MTMR3: variants seen among roughly 807,000 people sequenced by gnomAD.
MTMR3 encodes phosphatidylinositol-3,5-bisphosphate 3-phosphatase MTMR3.
Under a neutral mutation model 132.4 loss-of-function variants are expected in MTMR3, and 32 were observed. That is an observed-to-expected ratio of 0.24 (90% confidence interval 0.18 to 0.32). The LOEUF (loss-of-function observed/expected upper bound fraction) is 0.32, where lower values mean the gene tolerates loss of function less well. MTMR3 is among the 10% of genes least tolerant of loss of function. The pLI, the probability that MTMR3 is intolerant of heterozygous loss-of-function variation, is 1.00. For synonymous variants in MTMR3, 556 were observed against 550.3 expected (o/e 1.01, Z -0.14); for missense variants, 1,216 against 1,489.6 (o/e 0.82, Z 3.02).
intron 1 of MTMR3, among the ~76,000 whole-genome samples, chr22:29,943,545 T>C (rs2065898148): frequency 6.6e-6 from 1 of 152,132 alleles, no homozygotes; most frequent in Admixed American, 6.6e-5. Context: ...TATAAGTTTA[T>C]AAGTTCATAG....
At chr22:30,023,742 T>A (rs577205218) in intron 19 of MTMR3, 2 of 499,334 alleles carry the variant, frequency 4.0e-6, no homozygotes, top group African/African-American at 3.9e-5. Context: ...AAGTAGTGCT[T>A]CTTGTCTTCT....
intron 1 of MTMR3, among the ~76,000 whole-genome samples, chr22:29,949,125 ACACACACACACACACACACCCCCC>A (rs2066009614): frequency 6.7e-5 from 2 of 29,724 alleles, no homozygotes; most frequent in African/African-American, 2.0e-4. Flanking sequence ...ACACACACAC[ACACACACACACACACACACCCCCC>A]CCCCCCCCCC....
intron 8 of MTMR3, chr22:30,001,763 A>G (rs1280658166): frequency 6.6e-6 from 1 of 152,170 alleles, no homozygotes; most frequent in Non-Finnish European, 1.5e-5. Context: ...CTCCCAGCTT[A>G]TTTTTAGGAG....
chr22:29,953,071 AT>A (rs141496366), intron 1 of MTMR3, among the ~76,000 whole-genome samples: 2,828 of 152,302 alleles, frequency 0.019, 82 homozygotes, highest in African/African-American at 0.064. Context: ...TATTAAATGC[AT>A]GTGTAAAAAA....
In MTMR3 at chr22:30,028,813, CAAG is replaced by C. The variant is rs1050386510; in HGVS notation, c.*3015_*3017del. The C allele has an allele frequency of 6.6e-6, 1 of 152,374 alleles. No homozygotes were observed. The highest frequency in any genetic ancestry group is 1.5e-5 in the Non-Finnish European group (1 of 68,056). 9.4% of individuals were successfully genotyped at this position (152,374 alleles called of 1,614,324 possible). ...GTGCCACCCAGCAGGCGTTTGAAAA[CAAG>C]AAATCATTCTTCTGTGGAAGGAGAA... On this transcript the variant is annotated 3_prime_UTR_variant, in exon 20 of 20. Coordinates refer to ENST00000401950, the MANE Select transcript of MTMR3 (RefSeq NM_021090.4).
At chr22:29,906,286 GTCTATCTA>G (rs369642536) in intron 1 of MTMR3, among the ~76,000 whole-genome samples, 23 of 74,532 alleles carry the variant, frequency 3.1e-4, no homozygotes, top group African/African-American at 5.2e-4. Context: ...CTGTCTGTCT[GTCTATCTA>G]TCTATCTATC....
chr22:29,967,268 G>T, intron 2 of MTMR3, among the ~76,000 whole-genome samples: 1 of 149,484 alleles, frequency 6.7e-6, no homozygotes, highest in African/African-American at 2.5e-5. Flanking sequence ...TTAGAGACAA[G>T]GTCTTGCTCT....
chr22:29,889,737 C>G (rs1042531223), intron 1 of MTMR3, among the ~76,000 whole-genome samples: 1 of 151,914 alleles, frequency 6.6e-6, no homozygotes, highest in African/African-American at 2.4e-5. Context: ...TTGATATTCC[C>G]TTAATGAGCA....
At chr22:29,994,097 C>G in intron 7 of MTMR3, 1 of 985,268 alleles carries the variant, frequency 1.0e-6, no homozygotes, top group South Asian at 4.7e-5. Flanking sequence ...CTGCAGAGTT[C>G]AATTCAGTAA....
intron 5 of MTMR3, chr22:29,983,256 A>G (rs1482503674): frequency 1.3e-5 from 2 of 152,244 alleles, no homozygotes; most frequent in African/African-American, 4.8e-5. Context: ...TGACCTTCAA[A>G]AAAATGTAGA....
chr22:29,920,967 T>C (rs1328495253), intron 1 of MTMR3, among the ~76,000 whole-genome samples: 1 of 141,798 alleles, frequency 7.1e-6, no homozygotes, highest in East Asian at 2.1e-4. Flanking sequence ...TGCCAGGTTT[T>C]TTTTAGGGGG....
chr22:29,943,019 A>C (rs1034602220), intron 1 of MTMR3, among the ~76,000 whole-genome samples: 3 of 152,176 alleles, frequency 2.0e-5, no homozygotes, highest in Admixed American at 2.0e-4. Flanking sequence ...TGAAATCTTC[A>C]TAATTTATGT....
At chr22:29,945,403 T>TA (rs767315297) in intron 1 of MTMR3, among the ~76,000 whole-genome samples, 6 of 152,100 alleles carry the variant, frequency 3.9e-5, no homozygotes, top group Non-Finnish European at 8.8e-5. Flanking sequence ...GCTTTTGCAG[T>TA]AAAAATGTTT....
intron 1 of MTMR3, among the ~76,000 whole-genome samples, chr22:29,941,664 A>C (rs1463828697): frequency 6.6e-6 from 1 of 152,168 alleles, no homozygotes; most frequent in Non-Finnish European, 1.5e-5. Flanking sequence ...TGATTTGAGA[A>C]TACTTCTCCT....
At chr22:29,976,287 A>G (rs1483951460) in intron 3 of MTMR3, among the ~76,000 whole-genome samples, 1 of 152,072 alleles carries the variant, frequency 6.6e-6, no homozygotes, top group African/African-American at 2.4e-5. Flanking sequence ...TTTTGTTGTT[A>G]CTGTTTGTTT....
intron 14 of MTMR3, chr22:30,014,300 GAGA>G (rs1353581083): frequency 6.6e-6 from 1 of 152,204 alleles, no homozygotes; most frequent in Non-Finnish European, 1.5e-5. Context: ...CCAATCCAGT[GAGA>G]AGTTCTCAGT....
intron 1 of MTMR3, among the ~76,000 whole-genome samples, chr22:29,911,586 T>G (rs1174423184): frequency 3.3e-5 from 2 of 60,602 alleles, no homozygotes; most frequent in Non-Finnish European, 4.5e-5. Context: ...TTGATTTGGG[T>G]TTTTTTTTTT....
chr22:29,981,724 G>A (rs76176802), intron 5 of MTMR3: 11,795 of 151,374 alleles, frequency 0.078, 531 homozygotes, highest in African/African-American at 0.092. Flanking sequence ...AGGAAGCTGA[G>A]GTAGGAGAAT....
intron 1 of MTMR3, among the ~76,000 whole-genome samples, chr22:29,915,671 G>A (rs1049335636): frequency 6.6e-6 from 1 of 152,090 alleles, no homozygotes; most frequent in Non-Finnish European, 1.5e-5. Context: ...TGATCCACCC[G>A]CCTTGGCCTC....
Sources: allele counts gnomAD v4.1 joint callset (sites outside exome capture counted in the v4.1 genomes callset), GRCh38; gene constraint gnomAD v4.1.1; transcripts MANE v1.5; gene names NCBI Gene and HGNC (gene_info 2026-07-23, HGNC 2026-07-21).